The following NKAIN3 variants were observed in gnomAD, a reference collection of about 807,000 sequenced individuals.
NKAIN3 encodes sodium/potassium-transporting ATPase subunit beta-1-interacting protein 3.
In NKAIN3, 25 loss-of-function variants were observed where a neutral mutation model predicts 30.2. That is an observed-to-expected ratio of 0.83 (90% CI 0.60 to 1.16). The LOEUF (loss-of-function observed/expected upper bound fraction) is 1.16. Ranked by LOEUF, NKAIN3 falls within the 50% of genes most tolerant of loss-of-function variation. NKAIN3 has a pLI of 0.00. For missense variants in NKAIN3, 225 were observed against 254.1 expected, an observed-to-expected ratio of 0.89 and a Z score of 0.78; for synonymous variants, 91 against 89.6, an observed-to-expected ratio of 1.02 and a Z score of -0.09.
intron 1 of NKAIN3, among the ~76,000 whole-genome samples, chr8:62,351,363 G>A (rs1816172861): frequency 6.7e-6 from 1 of 149,942 alleles, no homozygotes; most frequent in Non-Finnish European, 1.5e-5. Flanking sequence ...ACATATATTT[G>A]TATTTGTATT....
chr8:62,615,658 C>T (rs1331468378), intron 3 of NKAIN3, among the ~76,000 whole-genome samples: 1 of 152,170 alleles, frequency 6.6e-6, no homozygotes, highest in Admixed American at 6.5e-5. Flanking sequence ...TGACCTGTGG[C>T]ATCTGCAATT....
chr8:62,907,499 A>G (rs1158701637), intron 4 of NKAIN3, among the ~76,000 whole-genome samples: 1 of 152,196 alleles, frequency 6.6e-6, no homozygotes, highest in Non-Finnish European at 1.5e-5. Context: ...AGGGCATTTC[A>G]GAGGTCTTCA....
chr8:62,990,569 G>T (rs4737624), intron 5 of NKAIN3: 13,603 of 186,358 alleles, frequency 0.073, 807 homozygotes, highest in East Asian at 0.3. Context: ...ATTTTCATGT[G>T]AATTTCCCAT....
At chr8:62,833,445 A>C (rs1423710287) in intron 4 of NKAIN3, among the ~76,000 whole-genome samples, 1 of 152,026 alleles carries the variant, frequency 6.6e-6, no homozygotes, top group Non-Finnish European at 1.5e-5. Context: ...AACAAAGAAA[A>C]AAAGAAAGAA....
chr8:62,647,732 C>T (rs1812509913), intron 3 of NKAIN3, among the ~76,000 whole-genome samples: 1 of 152,170 alleles, frequency 6.6e-6, no homozygotes, highest in Non-Finnish European at 1.5e-5. Flanking sequence ...AAGCCTGAAT[C>T]CCCTCGATTG....
At chr8:62,595,754 T>C (rs1810808867) in intron 3 of NKAIN3, among the ~76,000 whole-genome samples, 1 of 151,856 alleles carries the variant, frequency 6.6e-6, no homozygotes. Flanking sequence ...TCCTGTTGAA[T>C]TGGGGTGTAG....
chr8:62,785,920 C>T (rs1239956659), intron 4 of NKAIN3, among the ~76,000 whole-genome samples: 1 of 152,076 alleles, frequency 6.6e-6, no homozygotes, highest in Admixed American at 6.6e-5. Context: ...AAGTGTCTTT[C>T]GAATCCCTGC....
chr8:62,531,688 A>G lies in NKAIN3; in HGVS notation c.55-47851A>G, dbSNP rs769511148. On this transcript the variant is annotated intron_variant, in intron 1 of 6. Transcript: ENST00000623646. ...GCATACATTTTTTCTGACTAAAACC[A>G]TGAAGAAATGAATCAACCCATAGTG... is the stretch of plus-strand genomic sequence containing the variant. Among the ~76,000 whole-genome samples, 118 of 152,296 alleles carry G rather than the reference A, an allele frequency of 7.7e-4. No homozygotes were observed. The Middle Eastern group carries it at 0.014, about 18-fold the overall frequency.
At chr8:62,578,657 T>G (rs1810195724) in intron 1 of NKAIN3, among the ~76,000 whole-genome samples, 1 of 106,602 alleles carries the variant, frequency 9.4e-6, no homozygotes. Flanking sequence ...GTTTTTTTTG[T>G]TTTTTGTTTT....
intron 3 of NKAIN3, among the ~76,000 whole-genome samples, chr8:62,718,226 G>A (rs983561929): frequency 1.3e-5 from 2 of 152,172 alleles, no homozygotes; most frequent in African/African-American, 4.8e-5. Context: ...GTTGAGATTT[G>A]GGTGGGGGCA....
intron 4 of NKAIN3, among the ~76,000 whole-genome samples, chr8:62,871,419 C>CA (rs72283742): frequency 2.7e-3 from 47 of 17,566 alleles, no homozygotes; most frequent in African/African-American, 0.017. Context: ...AAAAAAAAAA[C>CA]AAAAACAAAC....
intron 1 of NKAIN3, among the ~76,000 whole-genome samples, chr8:62,525,454 T>G (rs1188428548): frequency 6.6e-6 from 1 of 152,202 alleles, no homozygotes; most frequent in Non-Finnish European, 1.5e-5. Context: ...TGTCCATGTG[T>G]TCTCATTATT....
At chr8:62,406,803 T>C (rs1804085288) in intron 1 of NKAIN3, among the ~76,000 whole-genome samples, 1 of 152,214 alleles carries the variant, frequency 6.6e-6, no homozygotes. Context: ...TGAATTTTTC[T>C]CAAATTCTTA....
intron 4 of NKAIN3, among the ~76,000 whole-genome samples, chr8:62,751,099 C>A (rs1816267851): frequency 6.6e-6 from 1 of 152,090 alleles, no homozygotes; most frequent in African/African-American, 2.4e-5. Flanking sequence ...GCAAGGGAGG[C>A]CCTCGTGACC....
chr8:62,348,676 G>A (rs1816086053), intron 1 of NKAIN3, among the ~76,000 whole-genome samples: 1 of 152,136 alleles, frequency 6.6e-6, no homozygotes. Context: ...TCTGGGCTGT[G>A]AATTTTAAGA....
chr8:62,620,012 A>C (rs2130224899), intron 3 of NKAIN3, among the ~76,000 whole-genome samples: 1 of 152,136 alleles, frequency 6.6e-6, no homozygotes, highest in East Asian at 1.9e-4. Flanking sequence ...AAACCACATA[A>C]ATTTATCTCA....
At chr8:62,380,872 A>G (rs1817254987) in intron 1 of NKAIN3, among the ~76,000 whole-genome samples, 1 of 152,214 alleles carries the variant, frequency 6.6e-6, no homozygotes, top group African/African-American at 2.4e-5. Flanking sequence ...TGTGTGAAAT[A>G]TGAGCTCGGT....
At chr8:62,263,735 CA>C (rs1177540536) in intron 1 of NKAIN3, among the ~76,000 whole-genome samples, 1 of 152,040 alleles carries the variant, frequency 6.6e-6, no homozygotes, top group Non-Finnish European at 1.5e-5. Context: ...TAAACCACTG[CA>C]AATTTAATAC....
intron 4 of NKAIN3, among the ~76,000 whole-genome samples, chr8:62,763,592 A>G (rs961176400): frequency 1.7e-4 from 26 of 152,228 alleles, no homozygotes; most frequent in Non-Finnish European, 3.8e-4. Context: ...TGAAACGTGA[A>G]CAATTAAAAT....
Sources: gnomAD v4.1 joint callset for allele counts (sites outside exome capture counted in the v4.1 genomes callset) on GRCh38, gnomAD v4.1.1 for gene constraint, MANE v1.5 for transcripts, NCBI Gene and HGNC (gene_info 2026-07-23, HGNC 2026-07-21) for gene names.